ARHGEF28: variants seen among roughly 807,000 people sequenced by gnomAD.
The protein encoded by ARHGEF28 is 190 kDa guanine nucleotide exchange factor.
ARHGEF28 carries 152 observed loss-of-function variants against 206.6 expected under a neutral mutation model. The observed-to-expected ratio is 0.74, with a 90% CI of 0.64 to 0.84. The LOEUF is 0.84. Among genes scored for constraint, ARHGEF28 ranks in the 40% least tolerant of loss-of-function variants. The pLI, the probability that ARHGEF28 is intolerant of heterozygous loss-of-function variation, is 0.00. For synonymous variants in ARHGEF28, 763 were observed against 776.4 expected (o/e 0.98, Z 0.29); for missense variants, 2,028 against 2,073.2 (o/e 0.98, Z 0.42).
At chr5:73,940,700 T>C (rs1742551892) in intron 35 of ARHGEF28, 144 bp from the exon 36 acceptor site, 1 of 565,802 alleles carries the variant, frequency 1.8e-6, no homozygotes, top group Non-Finnish European at 2.7e-6. Flanking sequence ...ACACCTATTA[T>C]GTTCCTTTCT....
intron 35 of ARHGEF28, among the ~76,000 whole-genome samples, chr5:73,939,916 A>G (rs776905430): frequency 6.6e-6 from 1 of 151,614 alleles, no homozygotes; most frequent in Non-Finnish European, 1.5e-5. Context: ...AATTTTTATA[A>G]GTTTGTAGTA....
At chr5:73,898,599 G>A (rs1443884951) in intron 30 of ARHGEF28, 2 of 152,548 alleles carry the variant, frequency 1.3e-5, no homozygotes, top group Middle Eastern at 3.4e-3. Flanking sequence ...TCACACACAC[G>A]AAGTTTGGTG....
intron 2 of ARHGEF28, among the ~76,000 whole-genome samples, chr5:73,713,795 A>G (rs1428698204): frequency 6.6e-6 from 1 of 152,224 alleles, no homozygotes; most frequent in Non-Finnish European, 1.5e-5. Context: ...TTAAAGGAAG[A>G]CATGGACTAA....
Position 73,911,394 on chromosome 5 carries a change from G to A in ARHGEF28, c.4767G>A (p.Gln1589=). ...FNKLNPSVIH[Q]DATYPTTQSH... is the part of the protein sequence containing the mutation. ...AACTGAATCCATCAGTTATCCATCA[G>A]GATGCCACTTACCCTACAACTCAAT... Residue 1589 remains glutamine, a synonymous_variant, in exon 35 of 36, where the codon CAG becomes CAA. Coordinates refer to ENST00000513042, the MANE Select transcript of ARHGEF28 (RefSeq NM_001177693.2). 1 of 1,613,952 alleles carries A rather than the reference G, an allele frequency of 6.2e-7. No individual in the cohort carries two copies. The highest frequency in any genetic ancestry group is 1.3e-5 in the African/African-American group (1 of 75,034).
At chr5:73,708,023 T>C (rs1749035174) in intron 2 of ARHGEF28, among the ~76,000 whole-genome samples, 1 of 152,130 alleles carries the variant, frequency 6.6e-6, no homozygotes, top group African/African-American at 2.4e-5. Context: ...ATATTTACTA[T>C]ATTTTCAAGC....
intron 1 of ARHGEF28, among the ~76,000 whole-genome samples, chr5:73,635,014 T>G (rs1196047336): frequency 6.6e-6 from 1 of 152,150 alleles, no homozygotes; most frequent in Non-Finnish European, 1.5e-5. Flanking sequence ...CCCTCATGTT[T>G]GTTCTTGCAA....
chr5:73,814,926 C>T (rs1243767489), intron 9 of ARHGEF28, among the ~76,000 whole-genome samples: 1 of 152,154 alleles, frequency 6.6e-6, no homozygotes, highest in Non-Finnish European at 1.5e-5. Flanking sequence ...TCATGTTGCT[C>T]AGCTGCCATC....
intron 6 of ARHGEF28, 149 bp from the exon 7 acceptor site, chr5:73,780,527 T>A (rs1404628881): frequency 1.3e-6 from 1 of 743,894 alleles, no homozygotes; most frequent in East Asian, 2.7e-5. Flanking sequence ...GCTGGCTATA[T>A]GTTCTCCCAG....
chr5:73,906,724 G>A (rs144829685), intron 33 of ARHGEF28, among the ~76,000 whole-genome samples: 2,575 of 152,046 alleles, frequency 0.017, 26 homozygotes, highest in Non-Finnish European at 0.026. Flanking sequence ...TATGATATGC[G>A]TGTATATGTA....
At chr5:73,716,432 C>T (rs1484672223) in intron 2 of ARHGEF28, among the ~76,000 whole-genome samples, 1 of 152,288 alleles carries the variant, frequency 6.6e-6, no homozygotes, top group Non-Finnish European at 1.5e-5. Context: ...TTTGTTTTGA[C>T]TTGAGTCAAT....
rs759955148 is a variant in ARHGEF28, at chr5:73,866,023, G to T, written c.2152+10G>T. 1 of 1,590,954 alleles carries T rather than the reference G, an allele frequency of 6.3e-7. No homozygotes were observed. The highest frequency in any genetic ancestry group is 8.6e-7 in the Non-Finnish European group (1 of 1,167,414). On this transcript the variant is annotated intron_variant, in intron 18 of 35. Coordinates refer to ENST00000513042, the MANE Select transcript of ARHGEF28 (RefSeq NM_001177693.2). ...CAGACCATCCTTGGAAGTAAGTGATGTAGAAAACGACAAGAACTTTTAAAA... is the reference window on the plus strand; with the variant it reads ...CAGACCATCCTTGGAAGTAAGTGATTTAGAAAACGACAAGAACTTTTAAAA...
intron 35 of ARHGEF28, 123 bp downstream of exon 35, chr5:73,911,698 G>C (rs1460634878): frequency 1.0e-5 from 11 of 1,053,440 alleles, no homozygotes; most frequent in Non-Finnish European, 1.5e-5. Flanking sequence ...GTACTGATGA[G>C]CTGGAGTTTG....
intron 35 of ARHGEF28, among the ~76,000 whole-genome samples, chr5:73,919,128 G>A (rs1009054081): frequency 2.6e-5 from 4 of 152,130 alleles, no homozygotes; most frequent in South Asian, 2.1e-4. Flanking sequence ...GGCCTGTCCC[G>A]GGGATCCAGT....
intron 4 of ARHGEF28, among the ~76,000 whole-genome samples, chr5:73,769,891 T>C (rs1005411563): frequency 1.3e-5 from 2 of 152,208 alleles, no homozygotes; most frequent in Non-Finnish European, 2.9e-5. Flanking sequence ...ATATTTCCCA[T>C]ATATTCCCTG....
chr5:73,630,505 A>G (rs1040516930), intron 1 of ARHGEF28, among the ~76,000 whole-genome samples: 64 of 152,360 alleles, frequency 4.2e-4, no homozygotes, highest in African/African-American at 1.3e-3. Flanking sequence ...AGTGCCTGAC[A>G]GAGAGTAAGT....
At chr5:73,851,147 C>T (rs768963292) in intron 13 of ARHGEF28, among the ~76,000 whole-genome samples, 14 of 152,132 alleles carry the variant, frequency 9.2e-5, no homozygotes, top group Non-Finnish European at 1.9e-4. Context: ...ATTGTTTAGT[C>T]GGCTTGGATT....
intron 9 of ARHGEF28, among the ~76,000 whole-genome samples, chr5:73,806,871 A>G (rs1486650201): frequency 6.8e-6 from 1 of 146,588 alleles, no homozygotes. Context: ...ACATCTATAT[A>G]TTGTATATAT....
intron 29 of ARHGEF28, among the ~76,000 whole-genome samples, chr5:73,897,182 G>A (rs568288622): frequency 9.9e-5 from 15 of 152,144 alleles, no homozygotes; most frequent in East Asian, 3.9e-4. Context: ...AACATATTCC[G>A]AATCCTAATA....
chr5:73,794,220 T>C (rs942801179), intron 7 of ARHGEF28, 182 bp from the exon 8 acceptor site: 4 of 518,160 alleles, frequency 7.7e-6, no homozygotes, highest in Admixed American at 8.0e-5. Flanking sequence ...TACCAGAGTA[T>C]GGACAGTCGG....
Sources: gnomAD v4.1 joint callset for allele counts (sites outside exome capture counted in the v4.1 genomes callset) on GRCh38, gnomAD v4.1.1 for gene constraint, MANE v1.5 for transcripts, NCBI Gene and HGNC (gene_info 2026-07-23, HGNC 2026-07-21) for gene names.